The following MMP16 variants were observed in gnomAD, a reference collection of about 807,000 sequenced individuals.
MMP16 encodes the protein matrix metalloproteinase-16.
A neutral mutation model predicts 67.8 loss-of-function variants in MMP16; 12 were observed. That is an observed-to-expected ratio of 0.18 (90% CI 0.11 to 0.29). The LOEUF (loss-of-function observed/expected upper bound fraction) is 0.29. Among genes scored for constraint, MMP16 ranks in the 10% least tolerant of loss-of-function variants. MMP16 has a pLI of 1.00. For missense variants in MMP16, 475 were observed against 765.7 expected, an observed-to-expected ratio of 0.62 and a Z score of 4.48; for synonymous variants, 249 against 255.9, an observed-to-expected ratio of 0.97 and a Z score of 0.26.
intron 6 of MMP16, among the ~76,000 whole-genome samples, chr8:88,107,987 A>T (rs986643480): frequency 6.6e-6 from 1 of 151,116 alleles, no homozygotes; most frequent in Admixed American, 6.6e-5. Context: ...CATCTTAGGT[A>T]CTTAATAGGT....
At chr8:88,125,048 T>TA (rs1807903750) in intron 4 of MMP16, among the ~76,000 whole-genome samples, 1 of 151,932 alleles carries the variant, frequency 6.6e-6, no homozygotes, top group Non-Finnish European at 1.5e-5. Flanking sequence ...AGCTTCAACC[T>TA]GTGAATTTTG....
At position 88,197,143 on chromosome 8, in the gene MMP16, G is replaced by A. The variant is rs754302016; in HGVS notation, c.281+15C>T. The A allele has an allele frequency of 6.2e-7, 1 of 1,605,218 alleles. No individual in the cohort carries two copies. Among genetic ancestry groups the A allele is most frequent in the South Asian group, 1.1e-5 (1 of 89,162 alleles). On this transcript the variant is annotated intron_variant, in intron 2 of 9. Transcript: ENST00000286614. ...CAAGGACCAAAAAGAAAGGAGGATG[G>A]GAGCCATTACTTACTCAATTGTGTT...
intron 1 of MMP16, among the ~76,000 whole-genome samples, chr8:88,259,942 C>T (rs1251217112): frequency 6.6e-6 from 1 of 152,128 alleles, no homozygotes; most frequent in African/African-American, 2.4e-5. Flanking sequence ...CAATAGGTAG[C>T]TTAATTGTTG....
At chr8:88,275,903 A>T (rs1030558870) in intron 1 of MMP16, among the ~76,000 whole-genome samples, 1 of 152,016 alleles carries the variant, frequency 6.6e-6, no homozygotes. Context: ...TAAGCTATGA[A>T]TCTGACATAC....
At chr8:88,238,860 T>C (rs1441356247) in intron 1 of MMP16, among the ~76,000 whole-genome samples, 1 of 151,936 alleles carries the variant, frequency 6.6e-6, no homozygotes, top group Non-Finnish European at 1.5e-5. Flanking sequence ...TGCAGTGGCT[T>C]GCACCTGTAA....
chr8:88,268,079 G>A (rs947270128), intron 1 of MMP16, among the ~76,000 whole-genome samples: 3 of 152,234 alleles, frequency 2.0e-5, no homozygotes, highest in East Asian at 3.9e-4. Context: ...GCGGTGGCTC[G>A]TGCCTGTAAT....
chr8:88,322,185 T>C (rs1049690812), intron 1 of MMP16, among the ~76,000 whole-genome samples: 3 of 152,120 alleles, frequency 2.0e-5, no homozygotes, highest in South Asian at 2.1e-4. Flanking sequence ...TACTGAATTA[T>C]AAAGGCCTAT....
intron 7 of MMP16, among the ~76,000 whole-genome samples, chr8:88,071,761 A>G (rs112793621): frequency 1.9e-4 from 29 of 152,276 alleles, no homozygotes; most frequent in African/African-American, 5.1e-4. Context: ...ACAACAAACT[A>G]TGACCATAGC....
intron 1 of MMP16, among the ~76,000 whole-genome samples, chr8:88,282,092 G>GGT (rs1810749837): frequency 1.7e-5 from 2 of 119,904 alleles, no homozygotes; most frequent in African/African-American, 5.8e-5. Flanking sequence ...TGGGGGGGGG[G>GGT]GGGCGACGGG....
chr8:88,263,925 T>C (rs2129955292), intron 1 of MMP16, among the ~76,000 whole-genome samples: 1 of 151,564 alleles, frequency 6.6e-6, no homozygotes, highest in Non-Finnish European at 1.5e-5. Context: ...CTGATGCACT[T>C]TTTGGCCGCA....
intron 1 of MMP16, among the ~76,000 whole-genome samples, chr8:88,278,972 T>C (rs1188783645): frequency 6.6e-6 from 1 of 152,066 alleles, no homozygotes; most frequent in Non-Finnish European, 1.5e-5. Context: ...TATTGAACAC[T>C]TGAAATAGGG....
At chr8:88,312,180 G>A (rs1811305559) in intron 1 of MMP16, among the ~76,000 whole-genome samples, 1 of 152,134 alleles carries the variant, frequency 6.6e-6, no homozygotes, top group African/African-American at 2.4e-5. Context: ...ATGCCAACTG[G>A]AGATAAAAAC....
chr8:88,184,563 GAAA>G (rs59310737), intron 3 of MMP16, among the ~76,000 whole-genome samples: 1 of 10,930 alleles, frequency 9.1e-5, no homozygotes, highest in Non-Finnish European at 1.3e-4. Context: ...CTCTCTCTCT[GAAA>G]AAAAAAAAAA....
intron 3 of MMP16, among the ~76,000 whole-genome samples, chr8:88,179,024 G>A (rs1018698367): frequency 6.6e-6 from 1 of 151,982 alleles, no homozygotes; most frequent in African/African-American, 2.4e-5. Context: ...ACTAGGAGAA[G>A]AGAGAAAGAA....
chr8:88,049,064 C>T (rs996063335), intron 8 of MMP16, among the ~76,000 whole-genome samples: 1 of 152,080 alleles, frequency 6.6e-6, no homozygotes, highest in African/African-American at 2.4e-5. Flanking sequence ...AAGTAATGCC[C>T]AAAGAGGAGT....
chr8:88,147,065 T>C (rs1339651044), intron 4 of MMP16, among the ~76,000 whole-genome samples: 1 of 152,078 alleles, frequency 6.6e-6, no homozygotes, highest in Non-Finnish European at 1.5e-5. Context: ...GCAAGTTTAG[T>C]TCAATTATAT....
At chr8:88,276,831 G>A (rs13249155) in intron 1 of MMP16, among the ~76,000 whole-genome samples, 119,435 of 151,930 alleles carry the variant, frequency 0.79, 47,517 homozygotes, top group East Asian at 0.99. Context: ...ATAAAATGGT[G>A]ATTAGGTCAA....
In MMP16 at chr8:88,054,532, T is replaced by G. The variant is rs527450430; in HGVS notation, c.1373+1596A>C. Reference sequence around the variant, plus strand: ...TCATTACACTTTTTGGGGCTTTAAGTAGCATCTTCTCCTTTGATCAAATTT... The same window carrying G: ...TCATTACACTTTTTGGGGCTTTAAGGAGCATCTTCTCCTTTGATCAAATTT... On this transcript the variant is annotated intron_variant, in intron 8 of 9. Coordinates refer to ENST00000286614, the MANE Select transcript of MMP16 (RefSeq NM_005941.5). 1.0e-3 allele frequency among the ~76,000 whole-genome samples: 152 copies of G among 152,354 alleles called. 2 individuals carry two copies. Among genetic ancestry groups the G allele is most frequent in the Non-Finnish European group, 4.3e-4 (29 of 68,032 alleles).
chr8:88,195,933 G>A (rs1025955464), intron 2 of MMP16, among the ~76,000 whole-genome samples: 1 of 152,136 alleles, frequency 6.6e-6, no homozygotes, highest in African/African-American at 2.4e-5. Context: ...CTAACATCAT[G>A]TTGCAAACTT....
Sources: gnomAD v4.1 joint callset for allele counts (sites outside exome capture counted in the v4.1 genomes callset) on GRCh38, gnomAD v4.1.1 for gene constraint, MANE v1.5 for transcripts, NCBI Gene and HGNC (gene_info 2026-07-23, HGNC 2026-07-21) for gene names.